Variants in HS3ST4 observed in about 807,000 individuals in gnomAD.
The protein encoded by HS3ST4 is heparan sulfate-glucosamine 3-sulfotransferase 4.
A neutral mutation model predicts 29.2 loss-of-function variants in HS3ST4; 17 were observed. That is an observed-to-expected ratio of 0.58 (90% CI 0.40 to 0.87). The LOEUF (loss-of-function observed/expected upper bound fraction) is 0.87, where lower values mean the gene tolerates loss of function less well. Among genes scored for constraint, HS3ST4 ranks in the 40% least tolerant of loss-of-function variants. The pLI, the probability that HS3ST4 is intolerant of heterozygous loss-of-function variation, is 0.00. For missense variants in HS3ST4, 627 were observed against 634.5 expected (o/e 0.99, Z 0.13); for synonymous variants, 314 against 285.7 (o/e 1.10, Z -1.00).
chr16:25,766,597 A>G (rs1348565804), intron 1 of HS3ST4, among the ~76,000 whole-genome samples: 1 of 152,208 alleles, frequency 6.6e-6, no homozygotes, highest in Non-Finnish European at 1.5e-5. Flanking sequence ...CTGTGTGCAC[A>G]CACATCATTT....
chr16:25,863,557 G>A (rs151286816), intron 1 of HS3ST4, among the ~76,000 whole-genome samples: 4 of 152,240 alleles, frequency 2.6e-5, no homozygotes, highest in Non-Finnish European at 4.4e-5. Context: ...GGTATTCTAC[G>A]TAATCCTCTA....
Position 25,694,856 on chromosome 16 carries a change from C to T in HS3ST4, c.734+1705C>T, listed in dbSNP as rs944189842. Among the ~76,000 whole-genome samples, 60 of 151,652 alleles carry T rather than the reference C, an allele frequency of 4.0e-4. 1 individual carries two copies. The highest frequency in any genetic ancestry group is 1.4e-3 in the African/African-American group (59 of 41,294). ...CAGAAAGATCAAATCTTTCCAAGAT[C>T]TGAGGTGTTTGGGTTTGTGGCAGCT... On this transcript the variant is annotated intron_variant, in intron 1 of 1. Coordinates refer to ENST00000331351, the MANE Select transcript of HS3ST4 (RefSeq NM_006040.3).
At chr16:25,820,609 A>G (rs937907042) in intron 1 of HS3ST4, among the ~76,000 whole-genome samples, 1 of 150,774 alleles carries the variant, frequency 6.6e-6, no homozygotes, top group Non-Finnish European at 1.5e-5. Flanking sequence ...TTTTATTTTT[A>G]TTTTTTTGTA....
chr16:26,042,676 C>G (rs1969645962), intron 1 of HS3ST4, among the ~76,000 whole-genome samples: 2 of 152,168 alleles, frequency 1.3e-5, no homozygotes. Flanking sequence ...TTATTTGCAG[C>G]TTTCTGTTTT....
intron 1 of HS3ST4, among the ~76,000 whole-genome samples, chr16:25,960,266 T>C (rs1184592797): frequency 1.3e-5 from 2 of 152,204 alleles, no homozygotes; most frequent in Non-Finnish European, 2.9e-5. Flanking sequence ...GCTGAGCAGA[T>C]GTGGGTACCA....
At chr16:26,002,367 T>A (rs1170845856) in intron 1 of HS3ST4, among the ~76,000 whole-genome samples, 1 of 152,118 alleles carries the variant, frequency 6.6e-6, no homozygotes, top group Admixed American at 6.6e-5. Flanking sequence ...CCAGAGCACC[T>A]GAGACAATAG....
intron 1 of HS3ST4, chr16:25,824,573 A>T (rs1323361179): frequency 6.6e-6 from 1 of 152,294 alleles, no homozygotes; most frequent in Non-Finnish European, 1.5e-5. Flanking sequence ...AGAGAACAGC[A>T]TGGGGAAGAC....
intron 1 of HS3ST4, among the ~76,000 whole-genome samples, chr16:25,913,061 G>A (rs117357772): frequency 0.06 from 9,166 of 152,292 alleles, 384 homozygotes; most frequent in Non-Finnish European, 0.086. Context: ...GCGACAACTT[G>A]CGCTGTTTAC....
At chr16:26,042,976 T>C (rs980990365) in intron 1 of HS3ST4, among the ~76,000 whole-genome samples, 5 of 152,148 alleles carry the variant, frequency 3.3e-5, no homozygotes, top group African/African-American at 1.2e-4. Flanking sequence ...TTCACAGCTT[T>C]CTAACACCCC....
At chr16:25,936,257 G>A (rs879506139) in intron 1 of HS3ST4, among the ~76,000 whole-genome samples, 7 of 152,098 alleles carry the variant, frequency 4.6e-5, no homozygotes, top group Non-Finnish European at 1.0e-4. Context: ...TTCTGTGTTC[G>A]ATTCTGTCCT....
At chr16:25,698,363 T>C (rs1248200096) in intron 1 of HS3ST4, among the ~76,000 whole-genome samples, 1 of 152,164 alleles carries the variant, frequency 6.6e-6, no homozygotes, top group Non-Finnish European at 1.5e-5. Flanking sequence ...GAACAGCCAG[T>C]GTCAAAGCCC....
intron 1 of HS3ST4, among the ~76,000 whole-genome samples, chr16:25,874,123 G>A (rs571826834): frequency 9.9e-5 from 15 of 152,110 alleles, no homozygotes; most frequent in African/African-American, 2.9e-4. Context: ...AACACTAAGG[G>A]CATATTGTCT....
intron 1 of HS3ST4, among the ~76,000 whole-genome samples, chr16:25,732,560 C>T (rs897100439): frequency 2.0e-5 from 3 of 152,104 alleles, no homozygotes; most frequent in African/African-American, 7.2e-5. Flanking sequence ...GTTCTGGGTG[C>T]CACAATGAAT....
At chr16:25,916,627 G>A (rs1455412344) in intron 1 of HS3ST4, among the ~76,000 whole-genome samples, 2 of 147,320 alleles carry the variant, frequency 1.4e-5, no homozygotes, top group East Asian at 4.0e-4. Flanking sequence ...CTCCCAAAGT[G>A]TTGGGATTAT....
chr16:26,060,163 A>T (rs2141770588), intron 1 of HS3ST4, among the ~76,000 whole-genome samples: 1 of 152,306 alleles, frequency 6.6e-6, no homozygotes, highest in Non-Finnish European at 1.5e-5. Flanking sequence ...TGGCCAAATC[A>T]GAGAAACCCA....
chr16:25,848,118 G>A (rs1435314187), intron 1 of HS3ST4, among the ~76,000 whole-genome samples: 2 of 152,046 alleles, frequency 1.3e-5, no homozygotes, highest in Non-Finnish European at 2.9e-5. Context: ...GGTGATTTGG[G>A]AGGGTTAGGT....
rs754703038 is a variant in HS3ST4, at chr16:26,135,849, C to T, written c.972C>T (p.Ile324=). The T allele has an allele frequency of 3.1e-6, 5 of 1,613,858 alleles. No homozygotes were observed. The Admixed American group carries it at 5.0e-5, about 16-fold the overall frequency. ...LAFKNRTLGL[I]DASWSAIRIG... is the part of the protein sequence containing the mutation. ...TCAAAAACCGGACCCTCGGGCTGAT[C>T]GATGCTTCCTGGAGTGCCATTCGAA... Residue 324 remains isoleucine, a synonymous_variant, in exon 2 of 2, where the codon ATC becomes ATT. Coordinates refer to ENST00000331351, the MANE Select transcript of HS3ST4 (RefSeq NM_006040.3).
intron 1 of HS3ST4, among the ~76,000 whole-genome samples, chr16:25,748,829 AT>A (rs1163595127): frequency 6.6e-6 from 1 of 152,240 alleles, no homozygotes; most frequent in Non-Finnish European, 1.5e-5. Flanking sequence ...CTATTAGGAA[AT>A]ATTAAAGTTT....
chr16:25,865,770 A>C (rs1967687753), intron 1 of HS3ST4, among the ~76,000 whole-genome samples: 1 of 152,228 alleles, frequency 6.6e-6, no homozygotes, highest in Non-Finnish European at 1.5e-5. Flanking sequence ...GGATACCCAC[A>C]TAGAGAAGGA....
Sources: allele counts gnomAD v4.1 joint callset (sites outside exome capture counted in the v4.1 genomes callset), GRCh38; gene constraint gnomAD v4.1.1; transcripts MANE v1.5; gene names NCBI Gene and HGNC (gene_info 2026-07-23, HGNC 2026-07-21).